Variants in CTNND2 observed in about 807,000 individuals in gnomAD.
The protein encoded by CTNND2 is catenin delta 2.
A neutral mutation model predicts 144.4 loss-of-function variants in CTNND2; 22 were observed. That is an observed-to-expected ratio of 0.15 (90% confidence interval 0.11 to 0.22). The LOEUF (loss-of-function observed/expected upper bound fraction) is 0.22, where lower values mean the gene tolerates loss of function less well. CTNND2 is among the 10% of genes least tolerant of loss of function. CTNND2 has a pLI of 1.00. For synonymous variants in CTNND2, 751 were observed against 695.6 expected (o/e 1.08, Z -1.25); for missense variants, 1,353 against 1,618.8 (o/e 0.84, Z 2.82).
intron 2 of CTNND2, among the ~76,000 whole-genome samples, chr5:11,665,706 T>C (rs13157899): frequency 3.1e-4 from 47 of 152,290 alleles, no homozygotes; most frequent in African/African-American, 1.0e-3. Flanking sequence ...AATATTGATG[T>C]GAAACTGAAA....
At chr5:11,538,102 A>T (rs141885078) in intron 3 of CTNND2, among the ~76,000 whole-genome samples, 7 of 152,290 alleles carry the variant, frequency 4.6e-5, no homozygotes, top group African/African-American at 1.7e-4. Flanking sequence ...CCTTACTATT[A>T]TTCTTAAATA....
At chr5:11,488,464 T>C (rs1769060802) in intron 3 of CTNND2, among the ~76,000 whole-genome samples, 1 of 152,212 alleles carries the variant, frequency 6.6e-6, no homozygotes, top group Admixed American at 6.5e-5. Context: ...GCGGTTCCAT[T>C]ACATATTTTA....
At chr5:11,134,549 C>T (rs551157144) in intron 12 of CTNND2, among the ~76,000 whole-genome samples, 25 of 152,190 alleles carry the variant, frequency 1.6e-4, no homozygotes, top group African/African-American at 6.0e-4. Context: ...AAAGGAAACC[C>T]ACCATAGTAA....
intron 16 of CTNND2, among the ~76,000 whole-genome samples, chr5:11,074,006 G>A (rs142570120): frequency 3.9e-5 from 6 of 152,314 alleles, no homozygotes; most frequent in East Asian, 3.9e-4. Flanking sequence ...TCAGATCAAC[G>A]TAATAAAGTG....
intron 1 of CTNND2, among the ~76,000 whole-genome samples, chr5:11,898,899 G>A (rs778875698): frequency 7.9e-5 from 12 of 152,092 alleles, no homozygotes; most frequent in African/African-American, 1.7e-4. Context: ...ACATCGAATC[G>A]TAATTATCCT....
At chr5:11,140,256 T>C (rs993949414) in intron 12 of CTNND2, among the ~76,000 whole-genome samples, 2 of 152,164 alleles carry the variant, frequency 1.3e-5, no homozygotes, top group African/African-American at 4.8e-5. Context: ...ATCTCCTGCC[T>C]CCTTCAACCT....
chr5:11,237,540 A>G (rs1741783029), intron 9 of CTNND2, among the ~76,000 whole-genome samples: 1 of 150,606 alleles, frequency 6.6e-6, no homozygotes, highest in South Asian at 2.1e-4. Flanking sequence ...TTACTGTGTC[A>G]CCCAGGCTGG....
intron 3 of CTNND2, among the ~76,000 whole-genome samples, chr5:11,528,249 C>T (rs1185593566): frequency 1.3e-5 from 2 of 151,702 alleles, no homozygotes; most frequent in Non-Finnish European, 2.9e-5. Context: ...ACAAGCCGCA[C>T]AGGTCACAGG....
chr5:11,238,629 A>G (rs1157689906), intron 9 of CTNND2, among the ~76,000 whole-genome samples: 2 of 152,242 alleles, frequency 1.3e-5, no homozygotes, highest in African/African-American at 4.8e-5. Context: ...AAGATAAAGC[A>G]TTCTATTTAA....
rs111484195 is a variant in CTNND2, at chr5:11,890,213, C to A, written c.37+13604G>T. On this transcript the variant is annotated intron_variant, in intron 1 of 21. Coordinates refer to ENST00000304623, the MANE Select transcript of CTNND2 (RefSeq NM_001332.4). ...CTGAAAACTTAAACTTGGTACAGTTCTATTTCTTGGTTCTATATTGGTTCA... is the reference window on the plus strand; with the variant it reads ...CTGAAAACTTAAACTTGGTACAGTTATATTTCTTGGTTCTATATTGGTTCA... Among the ~76,000 whole-genome samples the A allele has an allele frequency of 6.9e-3, 1,053 of 152,196 alleles. 7 individuals are homozygous for A. The highest frequency in any genetic ancestry group is 0.024 in the African/African-American group (1,005 of 41,502).
At chr5:10,974,361 A>C (rs1280322217) in intron 21 of CTNND2, among the ~76,000 whole-genome samples, 26 of 152,216 alleles carry the variant, frequency 1.7e-4, no homozygotes, top group Admixed American at 1.6e-3. Flanking sequence ...TCAATGTAGC[A>C]AAACTGCACT....
chr5:11,058,185 T>A (rs1011726634), intron 16 of CTNND2, among the ~76,000 whole-genome samples: 1 of 152,204 alleles, frequency 6.6e-6, no homozygotes, highest in African/African-American at 2.4e-5. Flanking sequence ...GAGCTGAATG[T>A]TAATCCCCAA....
chr5:11,629,006 T>C (rs1781289856), intron 2 of CTNND2, among the ~76,000 whole-genome samples: 1 of 152,178 alleles, frequency 6.6e-6, no homozygotes, highest in Admixed American at 6.5e-5. Flanking sequence ...GAAACCATTT[T>C]TGTGGAAGGT....
At chr5:11,490,566 C>G (rs1017245517) in intron 3 of CTNND2, among the ~76,000 whole-genome samples, 1 of 152,024 alleles carries the variant, frequency 6.6e-6, no homozygotes, top group African/African-American at 2.4e-5. Flanking sequence ...AATTATTGTG[C>G]CTGACTACAA....
At chr5:11,278,678 T>A (rs1746808619) in intron 9 of CTNND2, among the ~76,000 whole-genome samples, 1 of 152,118 alleles carries the variant, frequency 6.6e-6, no homozygotes, top group South Asian at 2.1e-4. Flanking sequence ...CACATATGTG[T>A]GCATCATTGC....
At chr5:11,199,735 T>A in intron 10 of CTNND2, 74 bp from the exon 11 acceptor site, 1 of 1,114,742 alleles carries the variant, frequency 9.0e-7, no homozygotes, top group Non-Finnish European at 1.3e-6. Context: ...ATGTTTTTCA[T>A]ATAAAGTATC....
chr5:11,268,868 C>T (rs1196363188), intron 9 of CTNND2, among the ~76,000 whole-genome samples: 1 of 152,130 alleles, frequency 6.6e-6, no homozygotes, highest in Non-Finnish European at 1.5e-5. Context: ...AATGTGCACA[C>T]TGACCCTTTT....
chr5:11,129,186 A>AAT (rs1490205461), intron 12 of CTNND2, among the ~76,000 whole-genome samples: 2 of 47,698 alleles, frequency 4.2e-5, no homozygotes, highest in Non-Finnish European at 7.2e-5. Flanking sequence ...TTTTATATAT[A>AAT]ATATATAATA....
At chr5:11,830,350 T>G (rs1793829591) in intron 1 of CTNND2, among the ~76,000 whole-genome samples, 1 of 152,196 alleles carries the variant, frequency 6.6e-6, no homozygotes, top group South Asian at 2.1e-4. Context: ...AACAATCATC[T>G]TGAATTCCCA....
Sources: allele counts gnomAD v4.1 joint callset (sites outside exome capture counted in the v4.1 genomes callset), GRCh38; gene constraint gnomAD v4.1.1; transcripts MANE v1.5; gene names NCBI Gene and HGNC (gene_info 2026-07-23, HGNC 2026-07-21).